The following PIKFYVE variants were observed in gnomAD, a reference collection of about 807,000 sequenced individuals.
The protein encoded by PIKFYVE is 1-phosphatidylinositol 3-phosphate 5-kinase.
PIKFYVE carries 122 observed loss-of-function variants against 257.9 expected under a neutral mutation model. That is an observed-to-expected ratio of 0.47 (90% CI 0.41 to 0.55). The LOEUF (loss-of-function observed/expected upper bound fraction) is 0.55, where lower values mean the gene tolerates loss of function less well. Among genes scored for constraint, PIKFYVE ranks in the 20% least tolerant of loss-of-function variants. The probability of loss-of-function intolerance (pLI) is 0.00; values close to 1 mark genes in which losing one functional copy is unlikely to be tolerated. For synonymous variants in PIKFYVE, 892 were observed against 868.9 expected, an observed-to-expected ratio of 1.03 and a Z score of -0.47; for missense variants, 2,160 against 2,536.6, an observed-to-expected ratio of 0.85 and a Z score of 3.19.
At position 208,342,571 on chromosome 2, in the gene PIKFYVE, A is replaced by G. The variant is rs1373335683; in HGVS notation, c.4949A>G (p.Tyr1650Cys). ...IPFPFDPDKHYLMYEHERVPI... is the reference protein window; with the variant it reads ...IPFPFDPDKHCLMYEHERVPI... ...TTGCATAGTGATCCAGATAAACACT[A>G]CTTAATGTATGAACATGAACGAGTG... The change falls in exon 32 of 42, where the codon TAC (tyrosine) becomes TGC (cysteine). Residue 1650 changes from tyrosine to cysteine, a missense_variant. Physicochemically the swap from Tyr to Cys is radical, Grantham distance 194 (BLOSUM62 -2). Around this residue, in one of 12 missense-constraint regions of PIKFYVE, gnomAD observed 699 missense variants for 855.8 expected, o/e 0.82. Coordinates refer to ENST00000264380, the MANE Select transcript of PIKFYVE (RefSeq NM_015040.4). The G allele has an allele frequency of 6.2e-7, 1 of 1,613,524 alleles. No individual in the cohort carries two copies. The highest frequency in any genetic ancestry group is 8.5e-7 in the Non-Finnish European group (1 of 1,179,430).
At chr2:208,282,886 A>C (rs1691012007) in intron 5 of PIKFYVE, among the ~76,000 whole-genome samples, 1 of 152,174 alleles carries the variant, frequency 6.6e-6, no homozygotes, top group South Asian at 2.1e-4. Context: ...GTAATCAGGC[A>C]TTAGATTCTC....
intron 12 of PIKFYVE, 137 bp downstream of exon 12, chr2:208,305,150 C>T (rs1171505953): frequency 1.3e-6 from 2 of 1,542,702 alleles, no homozygotes; most frequent in Non-Finnish European, 1.8e-6. Context: ...TCTACCCTTT[C>T]TCATTTCTCC....
chr2:208,305,327 A>G, intron 12 of PIKFYVE: 1 of 1,231,450 alleles, frequency 8.1e-7, no homozygotes, highest in Non-Finnish European at 1.0e-6. Context: ...CATTTATAAC[A>G]TGGATGTTCT....
intron 23 of PIKFYVE, among the ~76,000 whole-genome samples, chr2:208,332,523 A>G (rs1001906478): frequency 6.6e-6 from 1 of 152,202 alleles, no homozygotes; most frequent in Non-Finnish European, 1.5e-5. Context: ...AAGGATGTTC[A>G]TCAGAACATC....
At chr2:208,309,026 G>T (rs1190101845) in intron 12 of PIKFYVE, among the ~76,000 whole-genome samples, 1 of 152,098 alleles carries the variant, frequency 6.6e-6, no homozygotes, top group East Asian at 1.9e-4. Flanking sequence ...GTATTAACAC[G>T]TGGATTTGTA....
chr2:208,336,253 T>A (rs1476322560), intron 27 of PIKFYVE, 53 bp downstream of exon 27: 1 of 1,605,466 alleles, frequency 6.2e-7, no homozygotes, highest in Non-Finnish European at 8.5e-7. Flanking sequence ...TTTGTTCTAA[T>A]GTGATATCTT....
intron 12 of PIKFYVE, among the ~76,000 whole-genome samples, chr2:208,309,902 T>G (rs558184340): frequency 6.6e-6 from 1 of 152,336 alleles, no homozygotes; most frequent in South Asian, 2.1e-4. Context: ...ATTATAATCC[T>G]TTAGCCTACT....
rs1698558145 is a variant in PIKFYVE, at chr2:208,340,109, TA to T, written c.4910del (p.Tyr1637LeufsTer15). 6.2e-7 allele frequency: 1 copy of T among 1,613,968 alleles called. No individual in the cohort carries two copies. Among genetic ancestry groups the T allele is most frequent in the African/African-American group, 1.3e-5 (1 of 74,940 alleles). ...IFANLLPGNS[Y>X]NPIPFPFDPD... is the part of the protein sequence containing the mutation. ...TGCAAATTTGCTTCCAGGAAATAGC[TA>T]TAATCCTATTCCATTTCCTTTGTAA... is the stretch of plus-strand genomic sequence containing the variant. On this transcript the variant is annotated frameshift_variant, in exon 31 of 42. Transcript: ENST00000264380. LOFTEE classifies it high-confidence loss of function.
At chr2:208,313,253 A>C (rs1005813065) in intron 13 of PIKFYVE, among the ~76,000 whole-genome samples, 1 of 152,142 alleles carries the variant, frequency 6.6e-6, no homozygotes, top group Non-Finnish European at 1.5e-5. Context: ...TTTTTTGTTA[A>C]GCATTTATTA....
chr2:208,295,083 G>A (rs752325640), intron 7 of PIKFYVE, among the ~76,000 whole-genome samples: 37 of 152,100 alleles, frequency 2.4e-4, no homozygotes, highest in Middle Eastern at 3.4e-3. Flanking sequence ...TCCCATGGAG[G>A]TTTCTGCTCC....
At chr2:208,347,788 G>T (rs901103042) in intron 34 of PIKFYVE, 71 bp from the exon 35 acceptor site, 34 of 1,342,886 alleles carry the variant, frequency 2.5e-5, no homozygotes, top group Admixed American at 2.0e-5. Context: ...ACAAAGAAAT[G>T]AGCTGAAAAT....
chr2:208,312,182 T>C (rs1695003050), intron 12 of PIKFYVE, 54 bp from the exon 13 acceptor site: 9 of 1,224,098 alleles, frequency 7.4e-6, no homozygotes, highest in Admixed American at 6.8e-5. Flanking sequence ...TGACATGTTA[T>C]AGTCATATGT....
In PIKFYVE at chr2:208,285,607, A is replaced by T. The variant is rs1181195651; in HGVS notation, c.614-119A>T. On this transcript the variant is annotated intron_variant, in intron 5 of 41. Transcript: ENST00000264380. ...TTTTTTTGAGAGTCTGTACTTGAAG[A>T]CATTTCCGTTATTAGATGAACTGTT... The T allele has an allele frequency of 6.1e-6, 5 of 815,710 alleles. 1 individual carries two copies. Among genetic ancestry groups the T allele is most frequent in the Middle Eastern group, 6.6e-4 (2 of 3,026 alleles). 50.5% of individuals were successfully genotyped at this position (815,710 alleles called of 1,614,324 possible).
intron 15 of PIKFYVE, among the ~76,000 whole-genome samples, chr2:208,316,121 T>C (rs4566307): frequency 0.99 from 146,748 of 147,838 alleles, 72,843 homozygotes; most frequent in Non-Finnish European, 1. Flanking sequence ...TGAGAACATG[T>C]GGTGTTTGGT....
chr2:208,340,219 C>T, intron 31 of PIKFYVE, 88 bp downstream of exon 31: 2 of 1,479,650 alleles, frequency 1.4e-6, no homozygotes, highest in Non-Finnish European at 1.9e-6. Context: ...TTATCTGATG[C>T]ATGATTTTTC....
Position 208,315,505 on chromosome 2 carries a change from G to A in PIKFYVE, c.2007+132G>A, listed in dbSNP as rs1318798750. ...TAGGTGAGGAGTAGGAGGTTTTGCT[G>A]TCTGCTTTGTTAGCAGCGCACTTAG... On this transcript the variant is annotated intron_variant, in intron 15 of 41. Transcript: ENST00000264380. 4.5e-6 allele frequency: 4 copies of A among 883,854 alleles called. No homozygotes were observed. In the Admixed American group the frequency reaches 1.1e-4, roughly 25 times the overall value. The allele number at this position is 883,854 out of a possible 1,614,324, so 54.8% of individuals were successfully genotyped here.
In PIKFYVE at chr2:208,315,189, G is replaced by A; in HGVS notation, c.1827-4G>A. The A allele has an allele frequency of 6.2e-7, 1 of 1,611,308 alleles. No individual in the cohort carries two copies. On this transcript the variant is annotated splice_polypyrimidine_tract_variant and splice_region_variant and intron_variant, in intron 14 of 41. Transcript: ENST00000264380. ...CAAACTTCTTTCTTATAATATTTTT[G>A]TAGTTCAGCTAATCATAACCACATG...
intron 5 of PIKFYVE, among the ~76,000 whole-genome samples, chr2:208,280,886 C>T (rs1264755238): frequency 6.6e-6 from 1 of 152,182 alleles, no homozygotes; most frequent in African/African-American, 2.4e-5. Context: ...CTGATTATTG[C>T]TTTGATTCTG....
chr2:208,354,659 T>C lies in PIKFYVE; in HGVS notation c.6181+14T>C, dbSNP rs1700046988. The C allele has an allele frequency of 6.2e-7, 1 of 1,600,116 alleles. No homozygotes were observed. The highest frequency in any genetic ancestry group is 1.7e-5 in the Admixed American group (1 of 59,952). On this transcript the variant is annotated intron_variant, in intron 41 of 41. Coordinates refer to ENST00000264380, the MANE Select transcript of PIKFYVE (RefSeq NM_015040.4). Reference sequence around the variant, plus strand: ...TAGGTGGACAAGGTGAGAATTTTTGTTTTGTTTAAATTGTTCACATGTATT... The same window carrying C: ...TAGGTGGACAAGGTGAGAATTTTTGCTTTGTTTAAATTGTTCACATGTATT...
Sources: allele counts gnomAD v4.1 joint callset (sites outside exome capture counted in the v4.1 genomes callset), GRCh38; gene constraint gnomAD v4.1.1; regional missense constraint gnomAD v4.1.1; transcripts MANE v1.5; gene names NCBI Gene and HGNC (gene_info 2026-07-23, HGNC 2026-07-21).